The following GPHN variants were observed in gnomAD, a reference collection of about 807,000 sequenced individuals.
GPHN encodes the protein gephyrin.
A neutral mutation model predicts 95.5 loss-of-function variants in GPHN; 17 were observed. That is an observed-to-expected ratio of 0.18 (90% confidence interval 0.12 to 0.27). GPHN has a LOEUF of 0.27. Ranked by LOEUF, GPHN falls within the 10% of genes least tolerant of loss-of-function variation. GPHN has a pLI of 1.00. For synonymous variants in GPHN, 320 were observed against 322.5 expected, an observed-to-expected ratio of 0.99 and a Z score of 0.08; for missense variants, 660 against 978.1, an observed-to-expected ratio of 0.67 and a Z score of 4.34.
At chr14:66,722,092 ATTAC>A (rs1029247170) in intron 2 of GPHN, among the ~76,000 whole-genome samples, 6 of 151,812 alleles carry the variant, frequency 4.0e-5, no homozygotes, top group African/African-American at 7.3e-5. Context: ...TTATTACTTT[ATTAC>A]TTATAAACAA....
chr14:67,463,407 A>T, the GPHN span, among the ~76,000 whole-genome samples: 5 of 152,188 alleles, frequency 3.3e-5, no homozygotes, highest in African/African-American at 1.2e-4. Context: ...TGGGAGGCTG[A>T]GGCGGGTGGA....
chr14:67,095,606 A>G (rs1279631547), intron 12 of GPHN, among the ~76,000 whole-genome samples: 2 of 147,958 alleles, frequency 1.4e-5, no homozygotes, highest in African/African-American at 4.9e-5. Context: ...GCCATAAAAA[A>G]CGATGAGTTC....
the GPHN span, among the ~76,000 whole-genome samples, chr14:67,394,370 C>G: frequency 5.8e-4 from 88 of 152,000 alleles, no homozygotes; most frequent in African/African-American, 2.1e-3. Flanking sequence ...CACTCCAGCC[C>G]GGGCAACTGA....
chr14:66,702,226 G>T (rs1464688789), intron 2 of GPHN, among the ~76,000 whole-genome samples: 2 of 152,192 alleles, frequency 1.3e-5, no homozygotes, highest in African/African-American at 4.8e-5. Flanking sequence ...GGTAGTTTTG[G>T]GGAATCCAGG....
At chr14:67,055,071 G>T (rs866385344) in intron 10 of GPHN, among the ~76,000 whole-genome samples, 1 of 152,166 alleles carries the variant, frequency 6.6e-6, no homozygotes, top group Non-Finnish European at 1.5e-5. Context: ...AAAAGCAATT[G>T]CAACAAAAGC....
chr14:66,515,119 T>A (rs1466462544), intron 1 of GPHN, among the ~76,000 whole-genome samples: 4 of 152,348 alleles, frequency 2.6e-5, no homozygotes, highest in African/African-American at 7.2e-5. Context: ...CCTTCCTCTT[T>A]GTATGTTGCT....
chr14:67,598,814 A>G, the GPHN span, among the ~76,000 whole-genome samples: 4 of 151,028 alleles, frequency 2.6e-5, no homozygotes, highest in South Asian at 8.4e-4. Flanking sequence ...GGTTCAAGCG[A>G]TTCTCCCGCC....
chr14:67,041,725 A>G (rs2074716135), intron 10 of GPHN, among the ~76,000 whole-genome samples: 1 of 152,200 alleles, frequency 6.6e-6, no homozygotes, highest in South Asian at 2.1e-4. Flanking sequence ...TCCTTTGGAT[A>G]TATGCCCAGT....
chr14:67,490,487 C>A, the GPHN span, among the ~76,000 whole-genome samples: 6 of 152,228 alleles, frequency 3.9e-5, no homozygotes, highest in Admixed American at 3.9e-4. Context: ...AATAACAACT[C>A]CTGTTCTGTT....
the GPHN span, among the ~76,000 whole-genome samples, chr14:67,681,556 G>GT: frequency 3.0e-4 from 46 of 152,226 alleles, 1 homozygote; most frequent in African/African-American, 1.1e-3. Flanking sequence ...GCCGAGGAGG[G>GT]GGATCACTTG....
chr14:66,878,455 G>A (rs2063771175), intron 4 of GPHN, among the ~76,000 whole-genome samples: 1 of 152,106 alleles, frequency 6.6e-6, no homozygotes, highest in African/African-American at 2.4e-5. Flanking sequence ...GAAAATTTTT[G>A]CAATGTCTCT....
At chr14:66,971,965 A>G (rs758499104) in intron 9 of GPHN, among the ~76,000 whole-genome samples, 28 of 152,190 alleles carry the variant, frequency 1.8e-4, no homozygotes, top group Non-Finnish European at 3.5e-4. Context: ...GTTCTAATTT[A>G]TGCTTTGAAG....
intron 4 of GPHN, among the ~76,000 whole-genome samples, chr14:66,873,917 G>A (rs1489289090): frequency 1.3e-5 from 2 of 152,202 alleles, no homozygotes; most frequent in Non-Finnish European, 2.9e-5. Flanking sequence ...GGGACAGACT[G>A]CATCCTCAAG....
At chr14:67,666,496 T>A in the GPHN span, among the ~76,000 whole-genome samples, 3 of 152,172 alleles carry the variant, frequency 2.0e-5, no homozygotes, top group African/African-American at 7.2e-5. Flanking sequence ...CTTCTAAGAT[T>A]TAAAACAAAA....
chr14:66,669,364 CAAAA>C (rs34581492), intron 1 of GPHN, among the ~76,000 whole-genome samples: 4 of 120,196 alleles, frequency 3.3e-5, no homozygotes, highest in African/African-American at 5.4e-5. Flanking sequence ...AACTCTGTCT[CAAAA>C]AAAAAAAAAA....
chr14:67,674,592 C>T, the GPHN span: 9 of 894,976 alleles, frequency 1.0e-5, no homozygotes, highest in Non-Finnish European at 1.4e-5. Context: ...ACGGCGACCG[C>T]CGCACCACCG....
intron 1 of GPHN, among the ~76,000 whole-genome samples, chr14:66,520,497 A>C (rs796172138): frequency 6.6e-6 from 1 of 152,124 alleles, no homozygotes; most frequent in South Asian, 2.1e-4. Flanking sequence ...AGCTGACTTA[A>C]GGGACTCAAA....
chr14:67,248,832 T>A, the GPHN span, among the ~76,000 whole-genome samples: 1 of 150,744 alleles, frequency 6.6e-6, no homozygotes, highest in Non-Finnish European at 1.5e-5. Flanking sequence ...TTTATTTTAT[T>A]TTTTTGAGAT....
chr14:66,823,797 G>C (rs2061294608), intron 3 of GPHN, among the ~76,000 whole-genome samples: 1 of 151,972 alleles, frequency 6.6e-6, no homozygotes, highest in Non-Finnish European at 1.5e-5. Flanking sequence ...ACAGTTATCG[G>C]CAATTAAATG....
Sources: allele counts gnomAD v4.1 joint callset (sites outside exome capture counted in the v4.1 genomes callset), GRCh38; gene constraint gnomAD v4.1.1; transcripts MANE v1.5; gene names NCBI Gene and HGNC (gene_info 2026-07-23, HGNC 2026-07-21).